DGKH: variants seen among roughly 807,000 people sequenced by gnomAD.
The protein encoded by DGKH is diacylglycerol kinase eta.
A neutral mutation model predicts 159.3 loss-of-function variants in DGKH; 90 were observed. The ratio of observed to expected loss-of-function variants is 0.57; its 90% confidence interval spans 0.48 to 0.67. DGKH has a LOEUF of 0.67. Among genes scored for constraint, DGKH ranks in the 30% least tolerant of loss-of-function variants. The pLI is 0.00. For synonymous variants in DGKH, 536 were observed against 553.8 expected, an observed-to-expected ratio of 0.97 and a Z score of 0.45; for missense variants, 1,181 against 1,506.1, an observed-to-expected ratio of 0.78 and a Z score of 3.57.
At chr13:42,123,778 A>G (rs1008086173) in intron 1 of DGKH, among the ~76,000 whole-genome samples, 1 of 152,232 alleles carries the variant, frequency 6.6e-6, no homozygotes, top group African/African-American at 2.4e-5. Context: ...CATTAAAACC[A>G]CAATGAGATA....
chr13:42,069,553 A>G, intron 1 of DGKH: 1 of 1,594,788 alleles, frequency 6.3e-7, no homozygotes, highest in Non-Finnish European at 8.6e-7. Context: ...TTTTCCAGCC[A>G]GTTGCCGTGA....
intron 3 of DGKH, among the ~76,000 whole-genome samples, chr13:42,148,628 G>C (rs80120589): frequency 1.4e-4 from 22 of 152,254 alleles, no homozygotes; most frequent in Non-Finnish European, 2.8e-4. Flanking sequence ...TATCTGGTTT[G>C]TGTCTCTTCC....
At chr13:42,107,646 G>T (rs1954784535) in intron 1 of DGKH, among the ~76,000 whole-genome samples, 1 of 152,086 alleles carries the variant, frequency 6.6e-6, no homozygotes, top group African/African-American at 2.4e-5. Context: ...GTGAACAGTG[G>T]GGGACTTTTG....
intron 16 of DGKH, among the ~76,000 whole-genome samples, chr13:42,192,642 CCTTCTTT>C (rs10667307): frequency 3.4e-5 from 5 of 146,324 alleles, no homozygotes; most frequent in Non-Finnish European, 7.6e-5. Flanking sequence ...TCTTCTTCTT[CCTTCTTT>C]CTTCTTTCTT....
At chr13:42,050,063 CATA>C (rs1045896952) in intron 1 of DGKH, among the ~76,000 whole-genome samples, 2 of 152,168 alleles carry the variant, frequency 1.3e-5, no homozygotes, top group African/African-American at 4.8e-5. Flanking sequence ...TATTTGGAAA[CATA>C]ATTTTTATTC....
intron 1 of DGKH, chr13:42,069,149 C>A: frequency 7.2e-7 from 1 of 1,392,334 alleles, no homozygotes; most frequent in South Asian, 1.2e-5. Context: ...CCAAGCTTCC[C>A]ATCCTCTACT....
At chr13:42,076,516 G>A (rs1475914292) in intron 1 of DGKH, among the ~76,000 whole-genome samples, 1 of 152,150 alleles carries the variant, frequency 6.6e-6, no homozygotes, top group African/African-American at 2.4e-5. Context: ...TCAGGAGAGT[G>A]TTGTGTAAGA....
At position 42,194,911 on chromosome 13, in the gene DGKH, G is replaced by A; in HGVS notation, c.2062G>A (p.Ala688Thr). The A allele has an allele frequency of 3.1e-6, 5 of 1,613,814 alleles. No individual in the cohort carries two copies. Among genetic ancestry groups the A allele is most frequent in the Non-Finnish European group, 4.2e-6 (5 of 1,179,900 alleles). ...TVKTAPRSPD[A>T]RASYGHSQTD... ...TAAAACTGCACCTCGGTCTCCAGAT[G>A]CCCGGGCAAGTTATGGCCATTCCCA... Residue 688 changes from alanine (A) to threonine (T), a missense_variant, in exon 17 of 30, where the codon GCC (alanine) becomes ACC (threonine). Transcript: ENST00000337343.
At chr13:42,041,855 C>CT (rs1220845165) in intron 1 of DGKH, among the ~76,000 whole-genome samples, 1 of 152,204 alleles carries the variant, frequency 6.6e-6, no homozygotes, top group African/African-American at 2.4e-5. Context: ...ACCCATGTTC[C>CT]GGTCAACGTG....
intron 1 of DGKH, among the ~76,000 whole-genome samples, chr13:42,087,783 A>G (rs966238029): frequency 1.3e-5 from 2 of 148,298 alleles, no homozygotes; most frequent in Non-Finnish European, 3.0e-5. Flanking sequence ...GTGGGACAGT[A>G]TCATGCTTCT....
intron 1 of DGKH, among the ~76,000 whole-genome samples, chr13:42,119,489 C>T (rs1955025716): frequency 1.3e-5 from 2 of 152,198 alleles, no homozygotes; most frequent in Non-Finnish European, 2.9e-5. Context: ...GTCTTCAGTT[C>T]TGAACACGGT....
downstream of DGKH, among the ~76,000 whole-genome samples, chr13:42,246,867 C>T (rs1298499042): frequency 1.3e-5 from 2 of 152,100 alleles, no homozygotes; most frequent in Admixed American, 6.5e-5. Flanking sequence ...GTGAGAAATA[C>T]ATTTTCCCCA....
chr13:42,143,626 G>A (rs2137898602), intron 3 of DGKH, among the ~76,000 whole-genome samples: 1 of 152,214 alleles, frequency 6.6e-6, no homozygotes, highest in South Asian at 2.1e-4. Context: ...GTTTCGTCTT[G>A]GGAGGGTGTA....
At chr13:42,057,724 A>G (rs562465910) in intron 1 of DGKH, among the ~76,000 whole-genome samples, 1 of 152,318 alleles carries the variant, frequency 6.6e-6, no homozygotes, top group Admixed American at 6.5e-5. Context: ...CTCTGCCCTC[A>G]TGGAACTCAC....
intron 20 of DGKH, among the ~76,000 whole-genome samples, chr13:42,202,239 G>A (rs1566186672): frequency 6.6e-6 from 1 of 152,126 alleles, no homozygotes; most frequent in Non-Finnish European, 1.5e-5. Flanking sequence ...TAACAATAAA[G>A]TAAACCAAAA....
chr13:42,116,610 A>G (rs916018459), intron 1 of DGKH, among the ~76,000 whole-genome samples: 4 of 152,226 alleles, frequency 2.6e-5, no homozygotes, highest in African/African-American at 9.6e-5. Context: ...TGATTTTTCA[A>G]GGATTCTTAG....
At chr13:42,154,752 A>G (rs1300739888) in intron 3 of DGKH, among the ~76,000 whole-genome samples, 2 of 152,110 alleles carry the variant, frequency 1.3e-5, no homozygotes, top group Non-Finnish European at 2.9e-5. Flanking sequence ...TAATAAATCA[A>G]TTAGGTGGCC....
At chr13:42,153,139 G>A (rs908279117) in intron 3 of DGKH, among the ~76,000 whole-genome samples, 3 of 152,140 alleles carry the variant, frequency 2.0e-5, no homozygotes, top group Non-Finnish European at 2.9e-5. Flanking sequence ...TATTGAAAAG[G>A]AGAAATTGCA....
chr13:42,219,123 C>G, intron 26 of DGKH, 107 bp from the exon 27 acceptor site: 1 of 1,358,468 alleles, frequency 7.4e-7, no homozygotes, highest in Non-Finnish European at 9.8e-7. Context: ...AAAATACTAC[C>G]TTAATAAGGA....
Sources: gnomAD v4.1 joint callset for allele counts (sites outside exome capture counted in the v4.1 genomes callset) on GRCh38, gnomAD v4.1.1 for gene constraint, MANE v1.5 for transcripts, NCBI Gene and HGNC (gene_info 2026-07-23, HGNC 2026-07-21) for gene names.